BCKDHB: variants seen among roughly 807,000 people sequenced by gnomAD.
BCKDHB encodes the protein branched chain keto acid dehydrogenase E1 subunit beta, also known as 2-oxoisovalerate dehydrogenase subunit beta, mitochondrial.
Under a neutral mutation model 48.5 loss-of-function variants are expected in BCKDHB, and 41 were observed. The ratio of observed to expected loss-of-function variants is 0.85; its 90% confidence interval spans 0.66 to 1.10. BCKDHB has a LOEUF of 1.10. BCKDHB is among the 50% of genes least tolerant of loss of function. The pLI is 0.00. For missense variants in BCKDHB, 496 were observed against 494.2 expected (o/e 1.00, Z -0.03); for synonymous variants, 201 against 174.8 (o/e 1.15, Z -1.18).
chr6:80,316,382 TTA>T (rs1491083054), intron 9 of BCKDHB, among the ~76,000 whole-genome samples: 1 of 152,040 alleles, frequency 6.6e-6, no homozygotes, highest in Admixed American at 6.6e-5. Context: ...TGCTTTTTTT[TTA>T]TTTTTCAAAG....
chr6:80,158,469 G>A (rs1208868772), intron 3 of BCKDHB, among the ~76,000 whole-genome samples: 1 of 152,060 alleles, frequency 6.6e-6, no homozygotes, highest in Non-Finnish European at 1.5e-5. Flanking sequence ...ATAATTATAG[G>A]TAAACTTCCT....
the BCKDHB span, among the ~76,000 whole-genome samples, chr6:80,381,875 C>T: frequency 6.6e-6 from 1 of 151,836 alleles, no homozygotes; most frequent in African/African-American, 2.4e-5. Context: ...CAGTGTAATC[C>T]TCTGAGGCAT....
At chr6:80,166,360 T>TA (rs1484495673) in intron 3 of BCKDHB, among the ~76,000 whole-genome samples, 12 of 152,090 alleles carry the variant, frequency 7.9e-5, no homozygotes, top group African/African-American at 2.9e-4. Flanking sequence ...AGCTATTTAT[T>TA]AAAAAAAATT....
chr6:80,208,743 T>C (rs893501676), intron 8 of BCKDHB, among the ~76,000 whole-genome samples: 2 of 151,880 alleles, frequency 1.3e-5, no homozygotes, highest in African/African-American at 4.8e-5. Flanking sequence ...TTAGAAAATC[T>C]GAATAGTCAT....
chr6:80,186,764 G>C (rs1223532468), intron 6 of BCKDHB, among the ~76,000 whole-genome samples: 1 of 152,220 alleles, frequency 6.6e-6, no homozygotes. Context: ...GTTTGAGCCG[G>C]GAACTGGGAG....
intron 3 of BCKDHB, among the ~76,000 whole-genome samples, chr6:80,137,516 C>T (rs930422753): frequency 6.6e-6 from 1 of 152,146 alleles, no homozygotes; most frequent in Non-Finnish European, 1.5e-5. Context: ...TCACAGTATT[C>T]TCACTGTTGG....
At chr6:80,354,819 G>A in the BCKDHB span, among the ~76,000 whole-genome samples, 1 of 152,136 alleles carries the variant, frequency 6.6e-6, no homozygotes, top group Non-Finnish European at 1.5e-5. Context: ...CTGTAAATAT[G>A]TGATCTTATG....
At chr6:80,232,807 A>G (rs1021783848) in intron 8 of BCKDHB, among the ~76,000 whole-genome samples, 3 of 151,040 alleles carry the variant, frequency 2.0e-5, no homozygotes, top group African/African-American at 7.3e-5. Context: ...GAGTGTGTGT[A>G]TGTGTGTTTG....
chr6:80,413,677 A>G, the BCKDHB span, among the ~76,000 whole-genome samples: 1 of 152,136 alleles, frequency 6.6e-6, no homozygotes, highest in African/African-American at 2.4e-5. Flanking sequence ...TATATACTAC[A>G]TTTTCTTTAT....
the BCKDHB span, among the ~76,000 whole-genome samples, chr6:80,466,178 C>T: frequency 6.6e-6 from 1 of 152,052 alleles, no homozygotes; most frequent in Non-Finnish European, 1.5e-5. Flanking sequence ...GAGAGAAGTT[C>T]CAGGAGGAAG....
the BCKDHB span, among the ~76,000 whole-genome samples, chr6:80,386,836 T>C: frequency 6.6e-6 from 1 of 152,122 alleles, no homozygotes; most frequent in Non-Finnish European, 1.5e-5. Flanking sequence ...ATTTGAATTA[T>C]AAAAACAGAG....
chr6:80,180,224 T>C (rs1773347918), intron 6 of BCKDHB, among the ~76,000 whole-genome samples: 1 of 152,264 alleles, frequency 6.6e-6, no homozygotes, highest in African/African-American at 2.4e-5. Context: ...TATAAAACTT[T>C]AGGTTTCCTG....
At chr6:80,361,741 C>A in the BCKDHB span, among the ~76,000 whole-genome samples, 5 of 152,292 alleles carry the variant, frequency 3.3e-5, no homozygotes, top group Non-Finnish European at 5.9e-5. Context: ...AAAATGGAGC[C>A]TCTGTTACAC....
chr6:80,216,562 ATTAT>A (rs1775180999), intron 8 of BCKDHB, among the ~76,000 whole-genome samples: 1 of 152,158 alleles, frequency 6.6e-6, no homozygotes, highest in Admixed American at 6.5e-5. Flanking sequence ...ATACACTTAA[ATTAT>A]TTGAGTTTGA....
At chr6:80,326,959 C>T (rs1769059819) in intron 9 of BCKDHB, among the ~76,000 whole-genome samples, 1 of 152,096 alleles carries the variant, frequency 6.6e-6, no homozygotes, top group South Asian at 2.1e-4. Context: ...TTACTTGACT[C>T]CAATTTCCAG....
In BCKDHB at chr6:80,204,787, G is replaced by A. The variant is rs568880421; in HGVS notation, c.951+1575G>A. On this transcript the variant is annotated intron_variant, in intron 8 of 9. Coordinates refer to ENST00000320393, the MANE Select transcript of BCKDHB (RefSeq NM_183050.4). The stretch of plus-strand genomic sequence containing the variant: ...TGGAAGCAAAGAGAGTAGAGTTAGG[G>A]GCAGAAAGAAGGGTGAAGTTGTTTA... 2.0e-5 allele frequency among the ~76,000 whole-genome samples: 3 copies of A among 152,118 alleles called. No homozygotes were observed. In the South Asian group the frequency reaches 6.2e-4, roughly 32 times the overall value.
At chr6:80,269,282 C>T (rs949683143) in intron 8 of BCKDHB, among the ~76,000 whole-genome samples, 1 of 152,064 alleles carries the variant, frequency 6.6e-6, no homozygotes, top group Non-Finnish European at 1.5e-5. Flanking sequence ...GCCGTGTGTA[C>T]GGAGCTGGGA....
chr6:80,158,911 G>A (rs919271570), intron 3 of BCKDHB, among the ~76,000 whole-genome samples: 3 of 152,188 alleles, frequency 2.0e-5, no homozygotes, highest in Admixed American at 6.5e-5. Context: ...AAACTGTGAC[G>A]ATTACCTTGA....
At chr6:80,183,468 A>C (rs1042669273) in intron 6 of BCKDHB, among the ~76,000 whole-genome samples, 1 of 152,186 alleles carries the variant, frequency 6.6e-6, no homozygotes, top group African/African-American at 2.4e-5. Context: ...TTAGATTCAC[A>C]GCAAAATTGA....
Sources: allele counts gnomAD v4.1 joint callset (sites outside exome capture counted in the v4.1 genomes callset), GRCh38; gene constraint gnomAD v4.1.1; transcripts MANE v1.5; gene names NCBI Gene and HGNC (gene_info 2026-07-23, HGNC 2026-07-21).